Variants in TOMM70 observed in about 807,000 individuals in gnomAD.
TOMM70 encodes mitochondrial import receptor subunit TOM70.
A neutral mutation model predicts 73.6 loss-of-function variants in TOMM70; 13 were observed. The ratio of observed to expected loss-of-function variants is 0.18; its 90% CI spans 0.11 to 0.28. The LOEUF (loss-of-function observed/expected upper bound fraction) is 0.28. Among genes scored for constraint, TOMM70 ranks in the 10% least tolerant of loss-of-function variants. The probability of loss-of-function intolerance (pLI) is 1.00; values close to 1 mark genes in which losing one functional copy is unlikely to be tolerated. For synonymous variants in TOMM70, 257 were observed against 271.2 expected (o/e 0.95, Z 0.51); for missense variants, 609 against 747.5 (o/e 0.81, Z 2.16).
chr3:100,378,391 G>A (rs763424511), intron 5 of TOMM70, among the ~76,000 whole-genome samples: 16 of 152,266 alleles, frequency 1.1e-4, no homozygotes, highest in East Asian at 1.9e-4. Flanking sequence ...GGGGAGGGGC[G>A]GTGCGGTTAA....
At chr3:100,387,374 G>C (rs562601506) in intron 1 of TOMM70, among the ~76,000 whole-genome samples, 24 of 152,126 alleles carry the variant, frequency 1.6e-4, no homozygotes, top group African/African-American at 5.3e-4. Flanking sequence ...TTGAATCTAG[G>C]AGGTGGAGGC....
intron 1 of TOMM70, among the ~76,000 whole-genome samples, chr3:100,391,787 GGTTA>G (rs1221326636): frequency 1.3e-5 from 2 of 152,156 alleles, no homozygotes; most frequent in Non-Finnish European, 2.9e-5. Context: ...AGTAAGCTAA[GGTTA>G]ATTATCGAAG....
chr3:100,364,545 A>T lies in TOMM70; in HGVS notation c.*1019T>A, dbSNP rs906431648. 3.3e-5 allele frequency: 5 copies of T among 152,072 alleles called. No homozygotes were observed. Among genetic ancestry groups the T allele is most frequent in the African/African-American group, 9.7e-5 (4 of 41,404 alleles). 9.4% of individuals were successfully genotyped at this position (152,072 alleles called of 1,614,324 possible). ...TACAAGCAATCTGCACTTTGATTTT[A>T]AAAAAGTTCTAAAATTTTTTAAAGG... On this transcript the variant is annotated 3_prime_UTR_variant, in exon 12 of 12. Transcript: ENST00000284320.
At chr3:100,386,757 A>T in intron 2 of TOMM70, 48 bp downstream of exon 2, 1 of 1,574,788 alleles carries the variant, frequency 6.4e-7, no homozygotes, top group Non-Finnish European at 8.6e-7. Context: ...AACTTTAAGC[A>T]AATAAAGAGA....
chr3:100,378,000 A>G (rs1706584392), intron 5 of TOMM70, 88 bp from the exon 6 acceptor site: 1 of 1,182,392 alleles, frequency 8.5e-7, no homozygotes, highest in African/African-American at 1.5e-5. Flanking sequence ...TAATCCCAGC[A>G]CTTTGGGAGG....
intron 1 of TOMM70, among the ~76,000 whole-genome samples, chr3:100,391,343 T>A (rs976608973): frequency 2.0e-5 from 3 of 152,172 alleles, no homozygotes; most frequent in Admixed American, 6.5e-5. Context: ...AGAAGAAGGC[T>A]TCTTATCATA....
At position 100,372,733 on chromosome 3, in the gene TOMM70, T is replaced by C. The variant is rs1323811214; in HGVS notation, c.1336-11A>G. ...ATATGCCTGGCGGTACTATAAAAAA[T>C]CAAAACAGGCCTGTCAAATCAAGAA... On this transcript the variant is annotated splice_polypyrimidine_tract_variant and intron_variant, in intron 8 of 11. Coordinates refer to ENST00000284320, the MANE Select transcript of TOMM70 (RefSeq NM_014820.5). 1.2e-6 allele frequency: 2 copies of C among 1,603,866 alleles called. No individual in the cohort carries two copies. Among genetic ancestry groups the C allele is most frequent in the East Asian group, 2.2e-5 (1 of 44,808 alleles).
chr3:100,365,687 G>A lies in TOMM70; in HGVS notation c.1704C>T (p.Phe568=). ...ATTTGGCCAGGTTAATAGCTTTGTTGAACATGTCAATGGCTTTCTCCATGT... is the reference window on the plus strand; with the variant it reads ...ATTTGGCCAGGTTAATAGCTTTGTTAAACATGTCAATGGCTTTCTCCATGT... The part of the protein sequence containing the change: ...RGNMEKAIDM[F]NKAINLAKSE... The change falls in exon 12 of 12, where the codon TTC becomes TTT. Residue 568 remains phenylalanine (F), a synonymous_variant. Coordinates refer to ENST00000284320, the MANE Select transcript of TOMM70 (RefSeq NM_014820.5). 1 of 1,614,138 alleles carries A rather than the reference G, an allele frequency of 6.2e-7. No homozygotes were observed. Among genetic ancestry groups the A allele is most frequent in the Non-Finnish European group, 8.5e-7 (1 of 1,179,998 alleles).
Position 100,365,251 on chromosome 3 carries a change from T to A in TOMM70, c.*313A>T. On this transcript the variant is annotated 3_prime_UTR_variant, in exon 12 of 12. Coordinates refer to ENST00000284320, the MANE Select transcript of TOMM70 (RefSeq NM_014820.5). ...AACATAATCAACTGCCAACCCCCCT[T>A]AAAAAAAAAATCAACAAATCAGTTT... is the stretch of plus-strand genomic sequence containing the variant. The A allele has an allele frequency of 4.1e-6, 1 of 245,942 alleles. No individual in the cohort carries two copies. Among genetic ancestry groups the A allele is most frequent in the Non-Finnish European group, 7.9e-6 (1 of 127,088 alleles). The allele number at this position is 245,942 out of a possible 1,614,324, so 15.2% of individuals were successfully genotyped here.
intron 3 of TOMM70, among the ~76,000 whole-genome samples, chr3:100,385,992 C>G (rs1706687415): frequency 6.6e-6 from 1 of 152,152 alleles, no homozygotes; most frequent in Non-Finnish European, 1.5e-5. Context: ...ATGTGTAGTA[C>G]ATAAACTCCT....
chr3:100,385,107 A>G (rs1706675581), intron 3 of TOMM70, among the ~76,000 whole-genome samples: 1 of 152,232 alleles, frequency 6.6e-6, no homozygotes, highest in Non-Finnish European at 1.5e-5. Context: ...CGTTCAAAGC[A>G]CTCAAACAAT....
At chr3:100,379,572 G>A (rs1210088133) in intron 5 of TOMM70, among the ~76,000 whole-genome samples, 1 of 152,286 alleles carries the variant, frequency 6.6e-6, no homozygotes, top group Middle Eastern at 3.4e-3. Flanking sequence ...AGGCTGTAGT[G>A]AGCTATGATC....
At chr3:100,370,685 CATAT>C (rs753355817) in intron 9 of TOMM70, among the ~76,000 whole-genome samples, 7 of 152,026 alleles carry the variant, frequency 4.6e-5, no homozygotes, top group Admixed American at 1.3e-4. Context: ...GTACTGTATG[CATAT>C]ATAAAGTTAC....
At chr3:100,391,137 T>C (rs1324382954) in intron 1 of TOMM70, among the ~76,000 whole-genome samples, 1 of 151,526 alleles carries the variant, frequency 6.6e-6, no homozygotes, top group Non-Finnish European at 1.5e-5. Flanking sequence ...TAAGACTCCG[T>C]CTCAAAAAAA....
At position 100,364,272 on chromosome 3, in the gene TOMM70, C is replaced by A. The variant is rs1172997884; in HGVS notation, c.*1292G>T. ...ACCTGGGTAGTTAGTCCTTAGAGAT[C>A]AAGGTTAGCTCACTACAAAAAGCAC... is the stretch of plus-strand genomic sequence containing the variant. On this transcript the variant is annotated 3_prime_UTR_variant, in exon 12 of 12. Transcript: ENST00000284320. 1 of 152,144 alleles carries A rather than the reference C, an allele frequency of 6.6e-6. No individual in the cohort carries two copies. Among genetic ancestry groups the A allele is most frequent in the Admixed American group, 6.5e-5 (1 of 15,274 alleles). 9.4% of individuals were successfully genotyped at this position (152,144 alleles called of 1,614,324 possible).
chr3:100,386,388 C>T, intron 2 of TOMM70, 44 bp from the exon 3 acceptor site: 12 of 1,555,298 alleles, frequency 7.7e-6, no homozygotes, highest in Non-Finnish European at 1.0e-5. Flanking sequence ...AAAGAAAGTA[C>T]TGTTCAATAG....
intron 9 of TOMM70, 35 bp downstream of exon 9, chr3:100,372,571 G>T: frequency 6.7e-7 from 1 of 1,491,124 alleles, no homozygotes; most frequent in Non-Finnish European, 9.3e-7. Context: ...GCATATGTAT[G>T]CAGTTATTTT....
intron 9 of TOMM70, among the ~76,000 whole-genome samples, chr3:100,370,398 A>G (rs1045901150): frequency 1.3e-5 from 2 of 152,218 alleles, no homozygotes; most frequent in African/African-American, 4.8e-5. Flanking sequence ...ACAATTCTGC[A>G]AACATAATTC....
chr3:100,386,861 T>C lies in TOMM70; in HGVS notation c.442A>G (p.Lys148Glu), dbSNP rs778528597. ...TEAISLCPTE[K>E]NVDLSTFYQN... ...TAAAATGTAGAAAGGTCAACATTCTTCTCTGTAGGGCACAAGCTAATAGCC... is the reference window on the plus strand; with the variant it reads ...TAAAATGTAGAAAGGTCAACATTCTCCTCTGTAGGGCACAAGCTAATAGCC... The change falls in exon 2 of 12, where the codon AAG becomes GAG. Residue 148 changes from lysine to glutamate, a missense_variant. This residue lies in a region of TOMM70 where 432 missense variants were observed against 584.1 expected (regional missense o/e 0.74). Coordinates refer to ENST00000284320, the MANE Select transcript of TOMM70 (RefSeq NM_014820.5). 209 of 1,614,046 alleles carry C rather than the reference T, an allele frequency of 1.3e-4. No homozygotes were observed. The highest frequency in any genetic ancestry group is 1.7e-4 in the Non-Finnish European group (203 of 1,180,034).
Sources: gnomAD v4.1 joint callset for allele counts (sites outside exome capture counted in the v4.1 genomes callset) on GRCh38, gnomAD v4.1.1 for gene constraint, gnomAD v4.1.1 regional missense constraint, MANE v1.5 for transcripts, NCBI Gene and HGNC (gene_info 2026-07-23, HGNC 2026-07-21) for gene names.